PTPRD: variants seen among roughly 807,000 people sequenced by gnomAD.
The protein encoded by PTPRD is protein tyrosine phosphatase receptor type D, also known as receptor-type tyrosine-protein phosphatase delta.
A neutral mutation model predicts 214.5 loss-of-function variants in PTPRD; 34 were observed. That is an observed-to-expected ratio of 0.16 (90% CI 0.12 to 0.21). PTPRD has a LOEUF of 0.21. PTPRD is among the 10% of genes least tolerant of loss of function. The pLI is 1.00. For synonymous variants in PTPRD, 1,128 were observed against 845.7 expected, an observed-to-expected ratio of 1.33 and a Z score of -5.79; for missense variants, 2,545 against 2,398.7, an observed-to-expected ratio of 1.06 and a Z score of -1.27.
At chr9:9,137,722 G>T (rs2099853176) in intron 10 of PTPRD, among the ~76,000 whole-genome samples, 1 of 152,072 alleles carries the variant, frequency 6.6e-6, no homozygotes, top group Non-Finnish European at 1.5e-5. Flanking sequence ...ACAGGACATT[G>T]TACTTTGCTT....
At chr9:10,189,863 G>A (rs2099354687) in intron 3 of PTPRD, among the ~76,000 whole-genome samples, 2 of 152,134 alleles carry the variant, frequency 1.3e-5, no homozygotes, top group South Asian at 4.1e-4. Flanking sequence ...ATGGGAGAGA[G>A]AGTTTTCTGA....
At chr9:9,342,344 G>C (rs1242966417) in intron 9 of PTPRD, among the ~76,000 whole-genome samples, 1 of 152,100 alleles carries the variant, frequency 6.6e-6, no homozygotes, top group Non-Finnish European at 1.5e-5. Flanking sequence ...AGGTGGAGAA[G>C]ATGGGGAAAA....
chr9:9,948,164 G>A lies in PTPRD; in HGVS notation c.-471-9554C>T, dbSNP rs148570460. Among the ~76,000 whole-genome samples the A allele has an allele frequency of 2.6e-3, 391 of 151,970 alleles. 2 individuals carry two copies. Among genetic ancestry groups the A allele is most frequent in the African/African-American group, 8.6e-3 (355 of 41,472 alleles). ...CTTATGGGGTCTGCTCATCATTCAG[G>A]GCCCTATTCAAAGTCACCTTCCTTG... On this transcript the variant is annotated intron_variant, in intron 4 of 45. Coordinates refer to ENST00000381196, the MANE Select transcript of PTPRD (RefSeq NM_002839.4).
chr9:10,456,566 C>T (rs2098918974), intron 2 of PTPRD, among the ~76,000 whole-genome samples: 2 of 151,808 alleles, frequency 1.3e-5, no homozygotes, highest in Non-Finnish European at 2.9e-5. Flanking sequence ...ATGGATCAGT[C>T]GTCAAATAGA....
At chr9:8,426,873 A>T (rs925040366) in intron 35 of PTPRD, among the ~76,000 whole-genome samples, 3 of 151,954 alleles carry the variant, frequency 2.0e-5, no homozygotes, top group African/African-American at 7.3e-5. Context: ...TTGGAACTTG[A>T]GAAATTACTT....
At chr9:10,541,730 C>T (rs1277175154) in intron 2 of PTPRD, among the ~76,000 whole-genome samples, 2 of 151,870 alleles carry the variant, frequency 1.3e-5, no homozygotes, top group Non-Finnish European at 2.9e-5. Context: ...TTTAATCAGA[C>T]AATTCTATGG....
intron 5 of PTPRD, among the ~76,000 whole-genome samples, chr9:9,854,968 A>G (rs1048160324): frequency 6.6e-6 from 1 of 152,190 alleles, no homozygotes; most frequent in Non-Finnish European, 1.5e-5. Flanking sequence ...TGGAAGAAAC[A>G]TGATACATTA....
chr9:10,568,780 A>T (rs866003794), intron 2 of PTPRD, among the ~76,000 whole-genome samples: 11 of 152,178 alleles, frequency 7.2e-5, no homozygotes, highest in Admixed American at 7.2e-4. Context: ...TTCAAGACGG[A>T]TTAAAGACTT....
At chr9:9,954,312 A>C (rs191852421) in intron 4 of PTPRD, among the ~76,000 whole-genome samples, 49 of 148,646 alleles carry the variant, frequency 3.3e-4, no homozygotes, top group African/African-American at 3.7e-4. Context: ...AAAAAAAAAA[A>C]AAAAAAAAAA....
intron 2 of PTPRD, among the ~76,000 whole-genome samples, chr9:10,514,609 C>T (rs752671508): frequency 1.3e-4 from 20 of 151,742 alleles, no homozygotes; most frequent in Non-Finnish European, 2.4e-4. Context: ...AATTCAGTAA[C>T]TTTTCAAGAA....
intron 39 of PTPRD, among the ~76,000 whole-genome samples, chr9:8,358,247 G>GACTT (rs2077463131): frequency 6.6e-6 from 1 of 152,024 alleles, no homozygotes; most frequent in African/African-American, 2.4e-5. Flanking sequence ...TGGAATTAAA[G>GACTT]ACTTACTACA....
chr9:9,169,047 C>T (rs375824038), intron 10 of PTPRD, among the ~76,000 whole-genome samples: 6 of 151,674 alleles, frequency 4.0e-5, no homozygotes, highest in East Asian at 1.9e-4. Context: ...TGCTACAAAA[C>T]GTATATATAA....
intron 8 of PTPRD, among the ~76,000 whole-genome samples, chr9:9,462,247 A>T (rs2093725412): frequency 6.6e-6 from 1 of 152,104 alleles, no homozygotes; most frequent in Non-Finnish European, 1.5e-5. Flanking sequence ...TTTGAGAGAA[A>T]AGGGAGTTTA....
chr9:10,345,945 G>C (rs1242739794), intron 2 of PTPRD, among the ~76,000 whole-genome samples: 1 of 152,084 alleles, frequency 6.6e-6, no homozygotes, highest in African/African-American at 2.4e-5. Context: ...ACTTTTTAAT[G>C]ATCGCCATTC....
intron 8 of PTPRD, among the ~76,000 whole-genome samples, chr9:9,555,257 G>C (rs1776240271): frequency 6.6e-6 from 1 of 151,846 alleles, no homozygotes; most frequent in African/African-American, 2.4e-5. Flanking sequence ...TATCTTATTA[G>C]GGCAGATATA....
At chr9:9,440,539 G>A (rs999168787) in intron 8 of PTPRD, among the ~76,000 whole-genome samples, 26 of 152,160 alleles carry the variant, frequency 1.7e-4, no homozygotes, top group African/African-American at 5.3e-4. Flanking sequence ...GGCAGAAAGT[G>A]TGGTCCATAA....
Position 9,840,761 on chromosome 9 carries a change from C to CA in PTPRD, c.-367-73911dup, listed in dbSNP as rs59780411. On this transcript the variant is annotated intron_variant, in intron 5 of 45. Coordinates refer to ENST00000381196, the MANE Select transcript of PTPRD (RefSeq NM_002839.4). ...CTGGCGACAGAGCAAGACTCCGTTTCAAAAAAAAAAAAAAAAAAAAAAAAA... is the reference window on the plus strand; with the variant it reads ...CTGGCGACAGAGCAAGACTCCGTTTCAAAAAAAAAAAAAAAAAAAAAAAAAA... 1.7e-3 allele frequency among the ~76,000 whole-genome samples: 107 copies of CA among 61,612 alleles called. 8 individuals carry two copies. The highest frequency in any genetic ancestry group is 3.2e-3 in the Admixed American group (11 of 3,482). The allele number at this position is 61,612 out of a possible 152,430, so 40.4% of individuals were successfully genotyped here.
chr9:9,812,654 C>A (rs1199512518), intron 5 of PTPRD, among the ~76,000 whole-genome samples: 3 of 151,910 alleles, frequency 2.0e-5, no homozygotes, highest in African/African-American at 4.8e-5. Flanking sequence ...ATTGGAGCAC[C>A]TAAATATGTA....
intron 10 of PTPRD, among the ~76,000 whole-genome samples, chr9:9,093,381 T>C (rs1274464307): frequency 6.6e-6 from 1 of 152,076 alleles, no homozygotes; most frequent in African/African-American, 2.4e-5. Flanking sequence ...GCAGACTACA[T>C]AGTTTATTCA....
Sources: gnomAD v4.1 joint callset for allele counts (sites outside exome capture counted in the v4.1 genomes callset) on GRCh38, gnomAD v4.1.1 for gene constraint, MANE v1.5 for transcripts, NCBI Gene and HGNC (gene_info 2026-07-23, HGNC 2026-07-21) for gene names.